CDC73: variants seen among roughly 807,000 people sequenced by gnomAD.
CDC73 encodes the protein parafibromin.
A neutral mutation model predicts 83.7 loss-of-function variants in CDC73; 21 were observed. The ratio of observed to expected loss-of-function variants is 0.25; its 90% CI spans 0.18 to 0.36. CDC73 has a LOEUF of 0.36. Ranked by LOEUF, CDC73 falls within the 10% of genes least tolerant of loss-of-function variation. CDC73 has a pLI of 1.00. For missense variants in CDC73, 342 were observed against 653.3 expected (o/e 0.52, Z 5.19); for synonymous variants, 224 against 212.9 (o/e 1.05, Z -0.45).
chr1:193,144,112 C>CAAAAAAAAAAAAA (rs67477778), intron 7 of CDC73, among the ~76,000 whole-genome samples: 10 of 64,366 alleles, frequency 1.6e-4, no homozygotes, highest in Admixed American at 2.3e-4. Context: ...TCTGTCTCAC[C>CAAAAAAAAAAAAA]AAAAAAAAAA....
chr1:193,151,182 G>A (rs1406176945), intron 9 of CDC73, among the ~76,000 whole-genome samples: 1 of 152,162 alleles, frequency 6.6e-6, no homozygotes, highest in African/African-American at 2.4e-5. Flanking sequence ...ATATTAGGTA[G>A]AAGCAACTGG....
At chr1:193,180,599 C>A in intron 10 of CDC73, 1 of 1,614,128 alleles carries the variant, frequency 6.2e-7, no homozygotes, top group Non-Finnish European at 8.5e-7. Flanking sequence ...TCTGCCAGAT[C>A]TCCAGAAAAA....
At chr1:193,159,839 A>G (rs1264602697) in intron 10 of CDC73, among the ~76,000 whole-genome samples, 1 of 152,212 alleles carries the variant, frequency 6.6e-6, no homozygotes, top group Non-Finnish European at 1.5e-5. Context: ...TAAATATTAA[A>G]TCATTTCATG....
chr1:193,182,799 G>C (rs918109398), intron 10 of CDC73, among the ~76,000 whole-genome samples: 1 of 151,996 alleles, frequency 6.6e-6, no homozygotes, highest in African/African-American at 2.4e-5. Flanking sequence ...CCAATATGTC[G>C]AGGGAGTAGA....
intron 15 of CDC73, among the ~76,000 whole-genome samples, chr1:193,241,626 C>T (rs546553800): frequency 2.6e-5 from 4 of 152,270 alleles, no homozygotes; most frequent in South Asian, 2.1e-4. Context: ...CAGGACAGTG[C>T]GCAGGCCCAC....
intron 10 of CDC73, among the ~76,000 whole-genome samples, chr1:193,164,735 C>T (rs1676405354): frequency 6.6e-6 from 1 of 152,046 alleles, no homozygotes; most frequent in Non-Finnish European, 1.5e-5. Context: ...GATTTCTATT[C>T]CTTGTTGTGT....
At chr1:193,230,117 C>T (rs946849379) in intron 13 of CDC73, among the ~76,000 whole-genome samples, 5 of 151,124 alleles carry the variant, frequency 3.3e-5, no homozygotes, top group African/African-American at 7.3e-5. Context: ...TGAATTCTTC[C>T]GCATTAGAGG....
intron 10 of CDC73, among the ~76,000 whole-genome samples, chr1:193,187,198 T>C (rs896050240): frequency 1.3e-5 from 2 of 150,758 alleles, no homozygotes; most frequent in South Asian, 2.1e-4. Context: ...TTTGCTCTTA[T>C]GTGGTTTTTG....
intron 10 of CDC73, among the ~76,000 whole-genome samples, chr1:193,184,866 T>A (rs1676778417): frequency 1.3e-5 from 2 of 151,988 alleles, no homozygotes; most frequent in African/African-American, 4.8e-5. Context: ...TACTTACATA[T>A]TTTTAAAAAA....
chr1:193,176,606 C>G (rs1014051658), intron 10 of CDC73, among the ~76,000 whole-genome samples: 3 of 152,122 alleles, frequency 2.0e-5, no homozygotes, highest in Non-Finnish European at 4.4e-5. Flanking sequence ...GGATTAATGT[C>G]TAAATGATAC....
chr1:193,211,861 T>C (rs567120655), intron 11 of CDC73, among the ~76,000 whole-genome samples: 1 of 152,358 alleles, frequency 6.6e-6, no homozygotes, highest in African/African-American at 2.4e-5. Flanking sequence ...ATATTCACTT[T>C]CCTTTTGACT....
intron 13 of CDC73, among the ~76,000 whole-genome samples, chr1:193,223,623 G>A (rs917089582): frequency 6.6e-6 from 1 of 152,058 alleles, no homozygotes; most frequent in Non-Finnish European, 1.5e-5. Flanking sequence ...TATAAGGGAA[G>A]GAACTCTTAT....
In CDC73 at chr1:193,253,351, C is replaced by G. The variant is rs1361287206; in HGVS notation, c.*2639C>G. 1 of 232,322 alleles carries G rather than the reference C, an allele frequency of 4.3e-6. No individual in the cohort carries two copies. The allele number at this position is 232,322 out of a possible 1,614,324, so 14.4% of individuals were successfully genotyped here. A position where few individuals can be genotyped will look rare whatever the true frequency, so the allele number is the denominator to read the frequency against. Reference sequence around the variant, plus strand: ...TTTAATTTGTTATTGAAAACAGTACCAGTATTAAATGTGTTTCCTCTTCCT... The same window carrying G: ...TTTAATTTGTTATTGAAAACAGTACGAGTATTAAATGTGTTTCCTCTTCCT... On this transcript the variant is annotated 3_prime_UTR_variant, in exon 17 of 17. Transcript: ENST00000367435.
At chr1:193,249,984 A>G (rs910526954) in intron 16 of CDC73, 113 bp downstream of exon 16, 25 of 957,002 alleles carry the variant, frequency 2.6e-5, no homozygotes, top group Admixed American at 7.2e-5. Context: ...CCTTCTTTCA[A>G]CATTAACTTG....
chr1:193,162,186 TATC>T (rs373844118), intron 10 of CDC73, among the ~76,000 whole-genome samples: 2 of 31,330 alleles, frequency 6.4e-5, no homozygotes, highest in Non-Finnish European at 1.2e-4. Flanking sequence ...TATTATATAT[TATC>T]TATTATATTG....
rs764471804 is a variant in CDC73 at position 193,147,923 on chromosome 1, G to C, written c.786G>C (p.Gly262=). ...ILQSVKAREE[G]RAPEQRPAPN... ...AATCTGTAAAAGCCAGAGAAGAAGGGCGTGCACCTGAACAGCGACCTGCCC... is the reference window on the plus strand; with the variant it reads ...AATCTGTAAAAGCCAGAGAAGAAGGCCGTGCACCTGAACAGCGACCTGCCC... The change falls in exon 8 of 17, where the codon GGG becomes GGC. Residue 262 remains glycine (G), a synonymous_variant. Transcript: ENST00000367435. 1 of 1,613,738 alleles carries C rather than the reference G, an allele frequency of 6.2e-7. No homozygotes were observed. The highest frequency in any genetic ancestry group is 8.5e-7 in the Non-Finnish European group (1 of 1,179,670).
chr1:193,158,490 TG>T (rs1166640504), intron 10 of CDC73, among the ~76,000 whole-genome samples: 1 of 130,790 alleles, frequency 7.6e-6, no homozygotes, highest in Non-Finnish European at 1.7e-5. Context: ...AGCGAGACCC[TG>T]TCTCTAAAAA....
chr1:193,242,789 CT>C (rs1677885030), intron 15 of CDC73, among the ~76,000 whole-genome samples: 1 of 152,132 alleles, frequency 6.6e-6, no homozygotes, highest in Admixed American at 6.5e-5. Context: ...TCTTTGATCT[CT>C]TTTGCTTTGT....
chr1:193,199,150 T>A (rs887042161), intron 10 of CDC73, among the ~76,000 whole-genome samples: 1 of 152,324 alleles, frequency 6.6e-6, no homozygotes, highest in East Asian at 1.9e-4. Flanking sequence ...CTTAAAAAAA[T>A]TGTGCTTATT....
Sources: gnomAD v4.1 joint callset for allele counts (sites outside exome capture counted in the v4.1 genomes callset) on GRCh38, gnomAD v4.1.1 for gene constraint, MANE v1.5 for transcripts, NCBI Gene and HGNC (gene_info 2026-07-23, HGNC 2026-07-21) for gene names.